Variants in SCN8A observed in about 807,000 individuals in gnomAD.
SCN8A encodes the protein sodium channel protein type 8 subunit alpha.
In SCN8A, 30 loss-of-function variants were observed where a neutral mutation model predicts 184.1. That is an observed-to-expected ratio of 0.16 (90% CI 0.12 to 0.22). SCN8A has a LOEUF of 0.22. Among genes scored for constraint, SCN8A ranks in the 10% least tolerant of loss-of-function variants. The pLI, the probability that SCN8A is intolerant of heterozygous loss-of-function variation, is 1.00. For synonymous variants in SCN8A, 852 were observed against 907.0 expected (o/e 0.94, Z 1.09); for missense variants, 1,057 against 2,498.9 (o/e 0.42, Z 12.30).
intron 1 of SCN8A, among the ~76,000 whole-genome samples, chr12:51,632,195 G>A (rs1305966362): frequency 6.6e-6 from 1 of 152,138 alleles, no homozygotes; most frequent in Non-Finnish European, 1.5e-5. Flanking sequence ...GGAATTCCTA[G>A]TCTTTGTTCT....
chr12:51,662,963 A>C lies in SCN8A; in HGVS notation c.146A>C (p.Glu49Ala), dbSNP rs1033204733. Residue 49 changes from glutamate to alanine, a missense_variant, in exon 2 of 27, where the codon GAG (glutamate) becomes GCG (alanine). This residue lies in a region of SCN8A where 45 missense variants were observed against 71.3 expected (regional missense o/e 0.63). Transcript: ENST00000627620. ...KADGSHREDDEDSKPKPNSDL... is the reference protein window; with the variant it reads ...KADGSHREDDADSKPKPNSDL... ...GATGGCAGTCATCGGGAGGACGATG[A>C]GGACAGCAAGCCCAAGCCAAACAGC... 1.2e-6 allele frequency: 2 copies of C among 1,613,966 alleles called. No homozygotes were observed. The highest frequency in any genetic ancestry group is 1.7e-6 in the Non-Finnish European group (2 of 1,179,914).
intron 12 of SCN8A, among the ~76,000 whole-genome samples, chr12:51,740,070 A>G (rs149375331): frequency 0.017 from 2,593 of 152,352 alleles, 61 homozygotes; most frequent in African/African-American, 0.059. Context: ...CGCTCATGCT[A>G]TTGTTTGTGG....
chr12:51,752,435 C>CACA (rs143341417), intron 14 of SCN8A, among the ~76,000 whole-genome samples: 27 of 151,912 alleles, frequency 1.8e-4, no homozygotes, highest in African/African-American at 6.5e-4. Flanking sequence ...CACACACACA[C>CACA]CACACACCAC....
Position 51,700,689 on chromosome 12 carries a change from G to A in SCN8A, c.929-455G>A, listed in dbSNP as rs147196276. Among the ~76,000 whole-genome samples, 596 of 152,222 alleles carry A rather than the reference G, an allele frequency of 3.9e-3. 2 individuals are homozygous for A. The highest frequency in any genetic ancestry group is 0.014 in the African/African-American group (562 of 41,510). ...AAGAAAGTGTTGCAAAGGAGATTTC[G>A]GGGACATATGCTGGAAAGGAAAACA... On this transcript the variant is annotated intron_variant, in intron 7 of 26. Coordinates refer to ENST00000627620, the MANE Select transcript of SCN8A (RefSeq NM_001330260.2).
intron 1 of SCN8A, among the ~76,000 whole-genome samples, chr12:51,626,973 T>TA (rs1408135236): frequency 6.6e-6 from 1 of 152,120 alleles, no homozygotes; most frequent in Non-Finnish European, 1.5e-5. Context: ...GGCAGATATT[T>TA]AAAAAAACTC....
chr12:51,610,813 C>T (rs182733328), intron 1 of SCN8A, among the ~76,000 whole-genome samples: 4 of 152,320 alleles, frequency 2.6e-5, no homozygotes, highest in Non-Finnish European at 2.9e-5. Flanking sequence ...GCTTCTGTCT[C>T]ACAGCTGTTA....
intron 12 of SCN8A, among the ~76,000 whole-genome samples, chr12:51,732,463 G>A (rs1942258951): frequency 3.3e-5 from 5 of 152,084 alleles, no homozygotes; most frequent in Admixed American, 3.3e-4. Context: ...TGCTGTTCTG[G>A]TTACTATAGC....
intron 8 of SCN8A, among the ~76,000 whole-genome samples, chr12:51,702,509 T>C (rs1411425659): frequency 6.6e-6 from 1 of 152,136 alleles, no homozygotes; most frequent in African/African-American, 2.4e-5. Flanking sequence ...TCCAGAACTT[T>C]TAATTCCTAG....
intron 6 of SCN8A, among the ~76,000 whole-genome samples, chr12:51,696,847 A>G (rs1941601007): frequency 6.6e-6 from 1 of 151,928 alleles, no homozygotes; most frequent in Non-Finnish European, 1.5e-5. Flanking sequence ...CCTGGCCAAT[A>G]TAGTGAAACC....
chr12:51,780,557 T>G, intron 20 of SCN8A, 92 bp from the exon 21 acceptor site: 14 of 758,892 alleles, frequency 1.8e-5, no homozygotes, highest in Admixed American at 5.3e-5. Context: ...GGAACCTCTG[T>G]TTTCTTTCTT....
chr12:51,685,625 G>C (rs1941406573), intron 3 of SCN8A, among the ~76,000 whole-genome samples: 1 of 152,202 alleles, frequency 6.6e-6, no homozygotes, highest in South Asian at 2.1e-4. Flanking sequence ...TGGTGGTGCA[G>C]ATGTCCTTGA....
Position 51,769,291 on chromosome 12 carries a change from A to G in SCN8A, c.3328A>G (p.Thr1110Ala). ...CGAGTCTGACTTTGAGAACCTCAAC[A>G]CAGAGGATGTTAGCAGCGAGTCGGA... ...VGESDFENLN[T>A]EDVSSESDPE... Residue 1110 changes from threonine to alanine, a missense_variant, in exon 17 of 27, where the codon ACA (threonine) becomes GCA (alanine). By Grantham distance (58) the Thr-to-Ala change is moderately conservative. Coordinates refer to ENST00000627620, the MANE Select transcript of SCN8A (RefSeq NM_001330260.2). The G allele has an allele frequency of 6.2e-7, 1 of 1,606,712 alleles. No individual in the cohort carries two copies. Among genetic ancestry groups the G allele is most frequent in the African/African-American group, 1.3e-5 (1 of 74,906 alleles).
chr12:51,677,113 C>A (rs1941236074), intron 2 of SCN8A, among the ~76,000 whole-genome samples: 1 of 103,954 alleles, frequency 9.6e-6, no homozygotes, highest in Non-Finnish European at 2.0e-5. Flanking sequence ...TTTATTTTAC[C>A]AAGACAGGGT....
chr12:51,613,116 T>C (rs1939759005), intron 1 of SCN8A, among the ~76,000 whole-genome samples: 1 of 152,224 alleles, frequency 6.6e-6, no homozygotes, highest in South Asian at 2.1e-4. Context: ...TGTCTTTGTT[T>C]AGTTTTGGTA....
chr12:51,678,141 T>A (rs1334804253), intron 2 of SCN8A, among the ~76,000 whole-genome samples: 1 of 152,190 alleles, frequency 6.6e-6, no homozygotes, highest in African/African-American at 2.4e-5. Flanking sequence ...CATATATACA[T>A]ATATCTCTCT....
chr12:51,704,240 G>A (rs1240748117), intron 9 of SCN8A, among the ~76,000 whole-genome samples: 1 of 151,946 alleles, frequency 6.6e-6, no homozygotes, highest in East Asian at 1.9e-4. Flanking sequence ...TGTAATAGTG[G>A]GTTGCATGCA....
intron 14 of SCN8A, among the ~76,000 whole-genome samples, chr12:51,756,202 C>T (rs1942671910): frequency 1.3e-5 from 2 of 152,188 alleles, no homozygotes; most frequent in Admixed American, 1.3e-4. Context: ...TCACCCTGCT[C>T]ATGCTGCCAT....
intron 19 of SCN8A, among the ~76,000 whole-genome samples, chr12:51,771,986 G>A (rs923214104): frequency 6.6e-6 from 1 of 152,178 alleles, no homozygotes; most frequent in African/African-American, 2.4e-5. Context: ...GTGAACTAAA[G>A]GTTTTGAACT....
intron 1 of SCN8A, among the ~76,000 whole-genome samples, chr12:51,592,423 C>T (rs1387301452): frequency 6.6e-6 from 1 of 152,112 alleles, no homozygotes; most frequent in Non-Finnish European, 1.5e-5. Flanking sequence ...ATTCTTCAAA[C>T]CATGCATTCC....
Sources: gnomAD v4.1 joint callset for allele counts (sites outside exome capture counted in the v4.1 genomes callset) on GRCh38, gnomAD v4.1.1 for gene constraint, gnomAD v4.1.1 regional missense constraint, MANE v1.5 for transcripts, NCBI Gene and HGNC (gene_info 2026-07-23, HGNC 2026-07-21) for gene names.